MIIP: variants seen among roughly 807,000 people sequenced by gnomAD.
MIIP encodes the protein migration and invasion inhibitory protein.
Under a neutral mutation model 44.8 loss-of-function variants are expected in MIIP, and 44 were observed. The ratio of observed to expected loss-of-function variants is 0.98; its 90% CI spans 0.77 to 1.26. The LOEUF is 1.26. Among genes scored for constraint, MIIP ranks in the 50% most tolerant of loss-of-function variants. MIIP has a pLI of 0.00. For missense variants in MIIP, 496 were observed against 511.7 expected, an observed-to-expected ratio of 0.97 and a Z score of 0.30; for synonymous variants, 225 against 218.3, an observed-to-expected ratio of 1.03 and a Z score of -0.27.
chr1:12,021,973 A>T, intron 2 of MIIP, 122 bp from the exon 3 acceptor site: 1 of 1,285,918 alleles, frequency 7.8e-7, no homozygotes, highest in East Asian at 2.4e-5. Flanking sequence ...GGGAGGGAAG[A>T]GACTGGCCTT....
At chr1:12,029,195 G>C in intron 5 of MIIP, 28 bp from the exon 6 acceptor site, 3 of 1,612,276 alleles carry the variant, frequency 1.9e-6, no homozygotes, top group Non-Finnish European at 2.5e-6. Context: ...TCCATCCCCC[G>C]GCCTGCTCAT....
intron 4 of MIIP, among the ~76,000 whole-genome samples, chr1:12,026,694 C>T (rs947955600): frequency 2.6e-5 from 4 of 152,222 alleles, no homozygotes; most frequent in African/African-American, 4.8e-5. Flanking sequence ...GGCACCGCTC[C>T]GAGCTGTGCT....
intron 4 of MIIP, among the ~76,000 whole-genome samples, chr1:12,027,659 C>G (rs1640131447): frequency 6.6e-6 from 1 of 152,172 alleles, no homozygotes; most frequent in Non-Finnish European, 1.5e-5. Context: ...TGTTTGGACA[C>G]TTTCTCTACT....
chr1:12,024,469 A>G (rs1332844936), intron 4 of MIIP, among the ~76,000 whole-genome samples: 1 of 152,152 alleles, frequency 6.6e-6, no homozygotes, highest in African/African-American at 2.4e-5. Flanking sequence ...GCTAGAGTGC[A>G]ATGGCGTGAT....
At position 12,031,816 on chromosome 1, in the gene MIIP, C is replaced by T. The variant is rs554899877; in HGVS notation, c.*8C>T. 6.2e-7 allele frequency: 1 copy of T among 1,612,532 alleles called. No individual in the cohort carries two copies. Among genetic ancestry groups the T allele is most frequent in the South Asian group, 1.1e-5 (1 of 91,008 alleles). ...CCACGGCAGAAGCCCTGAGGACTGA[C>T]TCCTGGGGGAGAACAGCATTCCCGC... On this transcript the variant is annotated 3_prime_UTR_variant, in exon 10 of 10. Transcript: ENST00000235332.
At chr1:12,023,465 G>A (rs539569782) in intron 4 of MIIP, among the ~76,000 whole-genome samples, 8 of 150,480 alleles carry the variant, frequency 5.3e-5, no homozygotes, top group African/African-American at 7.3e-5. Context: ...GTGAAGTGGC[G>A]CAATCTCGGC....
rs750508969 is a variant in MIIP, at chr1:12,030,050, C to T, written c.868C>T (p.Leu290=). 2.5e-6 allele frequency: 4 copies of T among 1,613,550 alleles called. No homozygotes were observed. The highest frequency in any genetic ancestry group is 2.5e-6 in the Non-Finnish European group (3 of 1,179,932). Reference sequence around the variant, plus strand: ...CAGGGTGAGCATCCCGCTGTCGATCCTGGAGCCCCCGCACCGGTACCACAT... The same window carrying T: ...CAGGGTGAGCATCCCGCTGTCGATCTTGGAGCCCCCGCACCGGTACCACAT... The part of the protein sequence containing the change: ...HVRVSIPLSI[L]EPPHRYHIHR... The change falls in exon 8 of 10, where the codon CTG becomes TTG. Residue 290 remains leucine (L), a synonymous_variant. Coordinates refer to ENST00000235332, the MANE Select transcript of MIIP (RefSeq NM_021933.4).
intron 4 of MIIP, chr1:12,028,819 G>T: frequency 1.7e-6 from 1 of 575,706 alleles, no homozygotes. Flanking sequence ...TTTTTTCCAT[G>T]GATGGTTGGC....
intron 4 of MIIP, among the ~76,000 whole-genome samples, chr1:12,023,803 G>C (rs1640042502): frequency 6.6e-6 from 1 of 151,954 alleles, no homozygotes; most frequent in African/African-American, 2.4e-5. Flanking sequence ...AGACCAGCTT[G>C]ACCAACATGG....
intron 7 of MIIP, 50 bp downstream of exon 7, chr1:12,029,944 T>C (rs4514248): frequency 0.23 from 374,879 of 1,608,012 alleles, 45,491 homozygotes; most frequent in Non-Finnish European, 0.25. Flanking sequence ...CCTGAACCAC[T>C]GGTTTTAAGA....
At chr1:12,026,533 G>A (rs564711078) in intron 4 of MIIP, among the ~76,000 whole-genome samples, 4 of 152,276 alleles carry the variant, frequency 2.6e-5, no homozygotes, top group East Asian at 3.9e-4. Flanking sequence ...CTGCTCCAGC[G>A]TGCTCCGCCC....
rs546015896 is a variant in MIIP, at chr1:12,031,790, C to T, written c.1149C>T (p.Val383=). Residue 383 remains valine (V), a synonymous_variant, in exon 10 of 10, where the codon GTC becomes GTT. Coordinates refer to ENST00000235332, the MANE Select transcript of MIIP (RefSeq NM_021933.4). ...TGCCCCAGGTCCCTCGGCCCCACGT[C>T]CCACGGCAGAAGCCCTGAGGACTGA... is the stretch of plus-strand genomic sequence containing the variant. ...WSVPQVPRPH[V]PRQKP The T allele has an allele frequency of 6.8e-6, 11 of 1,613,908 alleles. No individual in the cohort carries two copies. The African/African-American group carries it at 1.1e-4, about 16-fold the overall frequency.
chr1:12,020,377 C>T (rs1281063830), intron 1 of MIIP, among the ~76,000 whole-genome samples: 1 of 152,264 alleles, frequency 6.6e-6, no homozygotes, highest in Non-Finnish European at 1.5e-5. Flanking sequence ...GCGGAGGTTG[C>T]AGTGAGCCAA....
At chr1:12,029,645 C>A in intron 6 of MIIP, 120 bp from the exon 7 acceptor site, 1 of 1,411,584 alleles carries the variant, frequency 7.1e-7, no homozygotes, top group East Asian at 2.3e-5. Flanking sequence ...GGAAATGGGC[C>A]GAAGGGCTTC....
Position 12,029,156 on chromosome 1 carries a change from G to A in MIIP, c.656+15G>A, listed in dbSNP as rs780001221. 2.5e-6 allele frequency: 4 copies of A among 1,613,364 alleles called. No homozygotes were observed. The highest frequency in any genetic ancestry group is 3.4e-6 in the Non-Finnish European group (4 of 1,179,580). On this transcript the variant is annotated intron_variant, in intron 5 of 9. Transcript: ENST00000235332. ...AGCCATCCTGAGTGAGCAGGGGCGG[G>A]CGAGGGTGGGCGAGGGCGGCTGAGC...
intron 4 of MIIP, among the ~76,000 whole-genome samples, chr1:12,024,732 G>A (rs1640064263): frequency 6.6e-6 from 1 of 151,988 alleles, no homozygotes; most frequent in African/African-American, 2.4e-5. Flanking sequence ...TTTTTAAGTG[G>A]ACTGTTAAGC....
At chr1:12,027,296 C>T (rs1640123749) in intron 4 of MIIP, among the ~76,000 whole-genome samples, 2 of 152,210 alleles carry the variant, frequency 1.3e-5, no homozygotes, top group African/African-American at 2.4e-5. Flanking sequence ...AGGCATGAGC[C>T]ACTGTGTCCA....
chr1:12,029,195 G>A (rs751661378), intron 5 of MIIP, 28 bp from the exon 6 acceptor site: 90 of 1,612,156 alleles, frequency 5.6e-5, no homozygotes, highest in East Asian at 1.1e-4. Context: ...TCCATCCCCC[G>A]GCCTGCTCAT....
chr1:12,028,978 C>A, intron 4 of MIIP, 55 bp from the exon 5 acceptor site: 2 of 1,464,664 alleles, frequency 1.4e-6, no homozygotes, highest in Non-Finnish European at 1.9e-6. Flanking sequence ...CCGGTGGCCA[C>A]ACAGCAGCCC....
Sources: allele counts gnomAD v4.1 joint callset (sites outside exome capture counted in the v4.1 genomes callset), GRCh38; gene constraint gnomAD v4.1.1; transcripts MANE v1.5; gene names NCBI Gene and HGNC (gene_info 2026-07-23, HGNC 2026-07-21).